Variants in DPP7 observed in about 807,000 individuals in gnomAD.
The protein encoded by DPP7 is dipeptidyl peptidase 2.
DPP7 carries 74 observed loss-of-function variants against 58.8 expected under a neutral mutation model. The ratio of observed to expected loss-of-function variants is 1.26; its 90% confidence interval spans 1.04 to 1.53. The LOEUF is 1.53. Ranked by LOEUF, DPP7 falls within the 40% of genes most tolerant of loss-of-function variation. DPP7 has a pLI of 0.00. For synonymous variants in DPP7, 350 were observed against 303.6 expected (o/e 1.15, Z -1.59); for missense variants, 807 against 692.3 (o/e 1.17, Z -1.86).
Position 137,113,506 on chromosome 9 carries a change from G to T in DPP7, c.486-10C>A. ...GAGCATCCCCCCATAACTGGGTGAGGGACACAGGGTTAGGGCTGCTGCCCC... is the reference window on the plus strand; with the variant it reads ...GAGCATCCCCCCATAACTGGGTGAGTGACACAGGGTTAGGGCTGCTGCCCC... On this transcript the variant is annotated splice_polypyrimidine_tract_variant and intron_variant, in intron 4 of 12. Transcript: ENST00000371579. The T allele has an allele frequency of 6.5e-7, 1 of 1,548,774 alleles. No homozygotes were observed. Among genetic ancestry groups the T allele is most frequent in the African/African-American group, 1.4e-5 (1 of 72,684 alleles).
At chr9:137,117,262 A>G (rs1331355474), upstream of DPP7, among the ~76,000 whole-genome samples, 1 of 152,192 alleles carries the variant, frequency 6.6e-6, no homozygotes, top group Non-Finnish European at 1.5e-5. Flanking sequence ...GAAGGGGCCC[A>G]ACTTCTGCAG....
At chr9:137,113,140 C>G in intron 6 of DPP7, 21 bp from the exon 7 acceptor site, 2 of 1,613,792 alleles carry the variant, frequency 1.2e-6, no homozygotes, top group Non-Finnish European at 1.7e-6. Flanking sequence ...GGGGCAGAGA[C>G]TTGAAGTTTG....
In DPP7 at chr9:137,112,006, G is replaced by A; in HGVS notation, c.1074C>T (p.Thr358=). Residue 358 remains threonine (T), a synonymous_variant, in exon 10 of 13, where the codon ACC becomes ACT. Transcript: ENST00000371579. ...DYQACTEINL[T]FASNNVTDMF... is the part of the protein sequence containing the mutation. ...TATCGGTCACATTGTTGCTGGCGAAGGTCAGGTTGATCTCGGTGCAGGCCT... is the reference window on the plus strand; with the variant it reads ...TATCGGTCACATTGTTGCTGGCGAAAGTCAGGTTGATCTCGGTGCAGGCCT... 1.2e-6 allele frequency: 2 copies of A among 1,613,750 alleles called. No individual in the cohort carries two copies. Among genetic ancestry groups the A allele is most frequent in the Non-Finnish European group, 8.5e-7 (1 of 1,179,844 alleles).
Position 137,114,709 on chromosome 9 carries a change from C to G in DPP7, c.5G>C (p.Gly2Ala), listed in dbSNP as rs1256406201. Reference protein sequence around the residue: MGSAPWAPVLLL... With the variant: MASAPWAPVLLL... Reference sequence around the variant, plus strand: ...CAGGACCGGGGCCCAGGGAGCGGAGCCCATGTCGCCTTCCGCGGGCGCCCG... The same window carrying G: ...CAGGACCGGGGCCCAGGGAGCGGAGGCCATGTCGCCTTCCGCGGGCGCCCG... The change falls in exon 1 of 13, where the codon GGC (glycine) becomes GCC (alanine). Residue 2 changes from glycine (G) to alanine (A), a missense_variant. Transcript: ENST00000371579. 2 of 1,286,532 alleles carry G rather than the reference C, an allele frequency of 1.6e-6. No individual in the cohort carries two copies. Among genetic ancestry groups the G allele is most frequent in the Non-Finnish European group, 2.0e-6 (2 of 1,019,746 alleles). The allele number at this position is 1,286,532 out of a possible 1,614,324, so 79.7% of individuals were successfully genotyped here. A position where few individuals can be genotyped will look rare whatever the true frequency, so the allele number is the denominator to read the frequency against.
chr9:137,118,003 T>C (rs909440251), upstream of DPP7, among the ~76,000 whole-genome samples: 11 of 152,062 alleles, frequency 7.2e-5, no homozygotes, highest in African/African-American at 2.7e-4. Flanking sequence ...CTTTTTTTTT[T>C]TCGAGACAGA....
At chr9:137,116,856 C>T (rs1268772711), upstream of DPP7, among the ~76,000 whole-genome samples, 4 of 152,214 alleles carry the variant, frequency 2.6e-5, no homozygotes, top group East Asian at 1.9e-4. Flanking sequence ...GATATGCTGG[C>T]GGCAATGCTG....
intron 3 of DPP7, 76 bp downstream of exon 3, chr9:137,114,167 C>A (rs1169212865): frequency 2.2e-6 from 1 of 458,746 alleles, no homozygotes; most frequent in Non-Finnish European, 2.9e-6. Context: ...CCCGCGTGCC[C>A]CGCGACCCCC....
In DPP7 at chr9:137,111,855, A is replaced by T; in HGVS notation, c.1207+18T>A. 1.2e-6 allele frequency: 1 copy of T among 809,246 alleles called. No individual in the cohort carries two copies. Among genetic ancestry groups the T allele is most frequent in the Non-Finnish European group, 1.9e-6 (1 of 514,298 alleles). 50.1% of individuals were successfully genotyped at this position (809,246 alleles called of 1,614,324 possible). On this transcript the variant is annotated intron_variant, in intron 10 of 12. Transcript: ENST00000371579. ...GGGGCAGAAAGCAGGACGCTGGCCCACCCCCCCTCAGCCTTACCACCCCCC... is the reference window on the plus strand; with the variant it reads ...GGGGCAGAAAGCAGGACGCTGGCCCTCCCCCCCTCAGCCTTACCACCCCCC...
Position 137,111,933 on chromosome 9 carries a change from G to T in DPP7, c.1147C>A (p.Leu383Met), listed in dbSNP as rs1362921091. ...CGGGGCCACACGCCCCAGGTGTCCA[G>T]GCAGTACCGCTGGCGGAGCTCGTCA... ...FTDELRQRYCLDTWGVWPRPD... is the reference protein window; with the variant it reads ...FTDELRQRYCMDTWGVWPRPD... The change falls in exon 10 of 13, where the codon CTG becomes ATG. Residue 383 changes from leucine to methionine, a missense_variant. By Grantham distance (15) the Leu-to-Met change is conservative (BLOSUM62 2). This residue lies in a region of DPP7 where 624 missense variants were observed against 531.2 expected (regional missense o/e 1.17). Transcript: ENST00000371579. 6.2e-7 allele frequency: 1 copy of T among 1,613,302 alleles called. No individual in the cohort carries two copies. Among genetic ancestry groups the T allele is most frequent in the African/African-American group, 1.3e-5 (1 of 74,752 alleles).
At position 137,113,922 on chromosome 9, in the gene DPP7, C is replaced by T; in HGVS notation, c.428G>A (p.Arg143His). 2 of 1,578,372 alleles carry T rather than the reference C, an allele frequency of 1.3e-6. No individual in the cohort carries two copies. Among genetic ancestry groups the T allele is most frequent in the South Asian group, 1.1e-5 (1 of 88,516 alleles). Reference sequence around the variant, plus strand: ...GGCCCCGAGGTCGCGTCGTAGCGCGCGGAGCAGCTCTGCGAAGTCGGCCAG... The same window carrying T: ...GGCCCCGAGGTCGCGTCGTAGCGCGTGGAGCAGCTCTGCGAAGTCGGCCAG... ...QALADFAELL[R>H]ALRRDLGAQD... is the part of the protein sequence containing the mutation. The change falls in exon 4 of 13, where the codon CGC becomes CAC. Residue 143 changes from arginine to histidine, a missense_variant. Transcript: ENST00000371579.
At chr9:137,117,774 C>G (rs1831665907), upstream of DPP7, among the ~76,000 whole-genome samples, 2 of 152,198 alleles carry the variant, frequency 1.3e-5, no homozygotes, top group Non-Finnish European at 2.9e-5. Flanking sequence ...GACCACTTAA[C>G]CACTTCCGCG....
chr9:137,112,449 C>T (rs1045621191), intron 8 of DPP7: 12 of 625,350 alleles, frequency 1.9e-5, no homozygotes, highest in Admixed American at 3.0e-5. Flanking sequence ...CCGCTCTCCA[C>T]GGGGCAGGGT....
At chr9:137,112,917 C>T (rs746102370) in intron 7 of DPP7, 36 bp downstream of exon 7, 10 of 1,610,484 alleles carry the variant, frequency 6.2e-6, no homozygotes, top group South Asian at 2.2e-5. Context: ...ACACTCCAGC[C>T]GGCCTCTCCC....
In DPP7 at chr9:137,112,786, A is replaced by C; in HGVS notation, c.890T>G (p.Leu297Arg). ...NPVKVGCDRL[L>R]SEAQRITGLR... The stretch of plus-strand genomic sequence containing the variant: ...CCCCGTGATCCTCTGGGCCTCACTC[A>C]GCAGCCGATCACAGCCCACCTGGAG... The change falls in exon 8 of 13, where the codon CTG (leucine) becomes CGG (arginine). Residue 297 changes from leucine to arginine, a missense_variant. By Grantham distance (102) the Leu-to-Arg change is moderately radical. Coordinates refer to ENST00000371579, the MANE Select transcript of DPP7 (RefSeq NM_013379.3). The C allele has an allele frequency of 6.2e-7, 1 of 1,609,628 alleles. No homozygotes were observed. Among genetic ancestry groups the C allele is most frequent in the Non-Finnish European group, 8.5e-7 (1 of 1,179,462 alleles).
chr9:137,116,680 T>C (rs1831648694), upstream of DPP7, among the ~76,000 whole-genome samples: 1 of 152,210 alleles, frequency 6.6e-6, no homozygotes, highest in Non-Finnish European at 1.5e-5. Flanking sequence ...ATAAAGGGTC[T>C]GTGCTGAGGA....
intron 4 of DPP7, 77 bp from the exon 5 acceptor site, chr9:137,113,573 T>G (rs779491640): frequency 1.4e-4 from 215 of 1,484,268 alleles, no homozygotes; most frequent in Non-Finnish European, 1.9e-4. Context: ...GGCCCACAGG[T>G]GCCACAAGGA....
chr9:137,113,281 C>G lies in DPP7; in HGVS notation c.628G>C (p.Glu210Gln). The change falls in exon 6 of 13, where the codon GAG becomes CAG. Residue 210 changes from glutamate (E) to glutamine (Q), a missense_variant. By Grantham distance (29) the Glu-to-Gln change is conservative (BLOSUM62 2). Transcript: ENST00000371579. ...TGGGTGCATTTGGGACTCTGGCCCTCAAAGTCCTGGGGGAAAGAGACCGTG... is the reference window on the plus strand; with the variant it reads ...TGGGTGCATTTGGGACTCTGGCCCTGAAAGTCCTGGGGGAAAGAGACCGTG... The part of the protein sequence containing the change: ...QFFRDVTADF[E>Q]GQSPKCTQGV... The G allele has an allele frequency of 2.5e-6, 4 of 1,613,764 alleles. No individual in the cohort carries two copies. Among genetic ancestry groups the G allele is most frequent in the Non-Finnish European group, 3.4e-6 (4 of 1,179,986 alleles).
upstream of DPP7, among the ~76,000 whole-genome samples, chr9:137,115,687 G>A (rs989881368): frequency 4.6e-5 from 7 of 152,134 alleles, no homozygotes; most frequent in East Asian, 5.8e-4. Flanking sequence ...TGGCCCTCCC[G>A]TGCCTCACAC....
chr9:137,112,007 G>A lies in DPP7; in HGVS notation c.1073C>T (p.Thr358Ile). 1.2e-6 allele frequency: 2 copies of A among 1,613,720 alleles called. No individual in the cohort carries two copies. The highest frequency in any genetic ancestry group is 1.7e-6 in the Non-Finnish European group (2 of 1,179,830). ...ATCGGTCACATTGTTGCTGGCGAAG[G>A]TCAGGTTGATCTCGGTGCAGGCCTG... ...DYQACTEINL[T>I]FASNNVTDMF... Residue 358 changes from threonine to isoleucine, a missense_variant, in exon 10 of 13, where the codon ACC becomes ATC. Thr to Ile is a moderately conservative substitution (Grantham distance 89). Transcript: ENST00000371579.
Sources: gnomAD v4.1 joint callset for allele counts (sites outside exome capture counted in the v4.1 genomes callset) on GRCh38, gnomAD v4.1.1 for gene constraint, gnomAD v4.1.1 regional missense constraint, MANE v1.5 for transcripts, NCBI Gene and HGNC (gene_info 2026-07-23, HGNC 2026-07-21) for gene names.